BNIP2: variants seen among roughly 807,000 people sequenced by gnomAD.
The protein encoded by BNIP2 is BCL2 interacting protein 2.
A neutral mutation model predicts 43.4 loss-of-function variants in BNIP2; 36 were observed. The observed-to-expected ratio is 0.83, with a 90% CI of 0.64 to 1.10. The LOEUF is 1.10. Ranked by LOEUF, BNIP2 falls within the 50% of genes least tolerant of loss-of-function variation. The pLI is 0.00. For missense variants in BNIP2, 417 were observed against 374.1 expected (o/e 1.11, Z -0.95); for synonymous variants, 146 against 121.0 (o/e 1.21, Z -1.35).
At chr15:59,682,298 G>C (rs1893733495) in intron 2 of BNIP2, 110 bp downstream of exon 2, 1 of 922,496 alleles carries the variant, frequency 1.1e-6, no homozygotes, top group Non-Finnish European at 1.6e-6. Flanking sequence ...CTGCACTCCA[G>C]CCTGGGCAAC....
chr15:59,662,747 T>A lies in BNIP2; in HGVS notation c.*1322A>T, dbSNP rs1330681325. ...AAGGGTTGAAGAGTAGCCATGACCT[T>A]CAAATTTGGAAGGTATTATGCTTAC... On this transcript the variant is annotated 3_prime_UTR_variant, in exon 10 of 10. Transcript: ENST00000607373. The A allele has an allele frequency of 1.3e-5, 2 of 152,170 alleles. No individual in the cohort carries two copies. The highest frequency in any genetic ancestry group is 2.9e-5 in the Non-Finnish European group (2 of 68,026). 9.4% of individuals were successfully genotyped at this position (152,170 alleles called of 1,614,324 possible).
chr15:59,676,058 G>C (rs1893266890), intron 5 of BNIP2, among the ~76,000 whole-genome samples: 1 of 152,108 alleles, frequency 6.6e-6, no homozygotes, highest in South Asian at 2.1e-4. Flanking sequence ...GGTTATATAG[G>C]CATTTGTCAA....
intron 4 of BNIP2, 79 bp from the exon 5 acceptor site, chr15:59,678,166 A>G (rs1893430835): frequency 6.9e-7 from 1 of 1,448,588 alleles, no homozygotes; most frequent in South Asian, 1.5e-5. Context: ...TTTACTACCT[A>G]GATTTTACAG....
rs1892406094 is a variant in BNIP2, at chr15:59,663,852, T to C, written c.*217A>G. Reference sequence around the variant, plus strand: ...AGCAATATAAAATATAAAACGATAATAATACAGTTAGCTATTAAAGAGCTA... The same window carrying C: ...AGCAATATAAAATATAAAACGATAACAATACAGTTAGCTATTAAAGAGCTA... On this transcript the variant is annotated 3_prime_UTR_variant, in exon 10 of 10. Coordinates refer to ENST00000607373, the MANE Select transcript of BNIP2 (RefSeq NM_004330.4). 1.1e-5 allele frequency: 4 copies of C among 375,510 alleles called. No homozygotes were observed. Among genetic ancestry groups the C allele is most frequent in the South Asian group, 1.2e-4 (1 of 8,682 alleles). The allele number at this position is 375,510 out of a possible 1,614,324, so 23.3% of individuals were successfully genotyped here.
chr15:59,672,819 A>G (rs1260598413), intron 5 of BNIP2, 80 bp from the exon 6 acceptor site: 1 of 955,520 alleles, frequency 1.0e-6, no homozygotes, highest in Non-Finnish European at 1.6e-6. Flanking sequence ...ATGATTAGTA[A>G]ATTATAAATA....
chr15:59,666,651 G>A (rs1892586495), intron 9 of BNIP2, among the ~76,000 whole-genome samples: 2 of 152,108 alleles, frequency 1.3e-5, no homozygotes, highest in Non-Finnish European at 1.5e-5. Context: ...TGGGTGACAA[G>A]AGTGAAACTC....
chr15:59,675,503 G>A lies in BNIP2; in HGVS notation c.472+2408C>T, dbSNP rs562978766. On this transcript the variant is annotated intron_variant, in intron 5 of 9. Transcript: ENST00000607373. ...CGTGCACCTGTAATCCCAGCTACTCGGGAGACTGAGGCAGGAGAATCCCTT... is the reference window on the plus strand; with the variant it reads ...CGTGCACCTGTAATCCCAGCTACTCAGGAGACTGAGGCAGGAGAATCCCTT... 6.6e-5 allele frequency among the ~76,000 whole-genome samples: 10 copies of A among 151,802 alleles called. No homozygotes were observed. In the South Asian group the frequency reaches 2.1e-3, roughly 32 times the overall value.
At chr15:59,684,904 A>G (rs1309978811) in intron 1 of BNIP2, among the ~76,000 whole-genome samples, 1 of 152,194 alleles carries the variant, frequency 6.6e-6, no homozygotes, top group African/African-American at 2.4e-5. Flanking sequence ...CTAGCACATA[A>G]CAGGCCTATA....
intron 9 of BNIP2, among the ~76,000 whole-genome samples, chr15:59,666,484 T>C (rs1487273375): frequency 1.3e-5 from 2 of 152,108 alleles, no homozygotes; most frequent in South Asian, 4.1e-4. Flanking sequence ...CTGGCCAACA[T>C]GGTGAAACCC....
intron 9 of BNIP2, among the ~76,000 whole-genome samples, chr15:59,667,480 A>G (rs1892635458): frequency 6.6e-6 from 1 of 152,238 alleles, no homozygotes. Flanking sequence ...GTATCAATAG[A>G]TAATAGTTTG....
intron 1 of BNIP2, among the ~76,000 whole-genome samples, chr15:59,687,527 T>C (rs1413987335): frequency 6.6e-6 from 1 of 152,080 alleles, no homozygotes; most frequent in African/African-American, 2.4e-5. Flanking sequence ...AATTTTTGTA[T>C]TTTTAGTAGA....
chr15:59,662,567 A>T lies in BNIP2; in HGVS notation c.*1502T>A, dbSNP rs751763955. 5 of 152,236 alleles carry T rather than the reference A, an allele frequency of 3.3e-5. No individual in the cohort carries two copies. The highest frequency in any genetic ancestry group is 7.3e-5 in the Non-Finnish European group (5 of 68,048). 9.4% of individuals were successfully genotyped at this position (152,236 alleles called of 1,614,324 possible). A position where few individuals can be genotyped will look rare whatever the true frequency, so the allele number is the denominator to read the frequency against. On this transcript the variant is annotated 3_prime_UTR_variant, in exon 10 of 10. Coordinates refer to ENST00000607373, the MANE Select transcript of BNIP2 (RefSeq NM_004330.4). ...GACTGAGGAGGACAAAAAATATAGG[A>T]AAGTTCCCTTTTGTAACAGAAGGTT...
At chr15:59,685,950 T>G (rs1227247004) in intron 1 of BNIP2, among the ~76,000 whole-genome samples, 1 of 152,014 alleles carries the variant, frequency 6.6e-6, no homozygotes, top group Non-Finnish European at 1.5e-5. Context: ...GTTCATGTAT[T>G]TTTTTTTGGA....
intron 5 of BNIP2, among the ~76,000 whole-genome samples, chr15:59,675,893 A>C (rs1376396751): frequency 2.6e-5 from 4 of 152,202 alleles, no homozygotes; most frequent in African/African-American, 9.7e-5. Flanking sequence ...ACTATATATG[A>C]AATTCTAGAA....
intron 1 of BNIP2, among the ~76,000 whole-genome samples, chr15:59,686,562 T>G (rs1280929997): frequency 6.6e-6 from 1 of 152,190 alleles, no homozygotes; most frequent in Non-Finnish European, 1.5e-5. Flanking sequence ...CTTCCCCATT[T>G]AAACAAAAAG....
intron 1 of BNIP2, among the ~76,000 whole-genome samples, chr15:59,683,169 CG>C (rs1893801725): frequency 6.6e-6 from 1 of 152,112 alleles, no homozygotes. Context: ...TATGCAACTA[CG>C]TATTTTAACA....
chr15:59,683,370 C>T (rs895643571), intron 1 of BNIP2, among the ~76,000 whole-genome samples: 34 of 152,148 alleles, frequency 2.2e-4, no homozygotes, highest in African/African-American at 7.7e-4. Flanking sequence ...GAGGTATACA[C>T]GAGTATTTAG....
chr15:59,670,392 C>G, intron 7 of BNIP2, among the ~76,000 whole-genome samples: 1 of 152,200 alleles, frequency 6.6e-6, no homozygotes, highest in Non-Finnish European at 1.5e-5. Flanking sequence ...GATTGCACCA[C>G]TGCACTCCAG....
chr15:59,676,723 C>CGCGGT (rs1893316406), intron 5 of BNIP2: 20 of 1,085,764 alleles, frequency 1.8e-5, no homozygotes, highest in African/African-American at 3.1e-5. Flanking sequence ...TGGAGTGCCG[C>CGCGGT]GCGGTGCGGT....
Sources: gnomAD v4.1 joint callset for allele counts (sites outside exome capture counted in the v4.1 genomes callset) on GRCh38, gnomAD v4.1.1 for gene constraint, MANE v1.5 for transcripts, NCBI Gene and HGNC (gene_info 2026-07-23, HGNC 2026-07-21) for gene names.